Variants in LRRC28 observed in about 807,000 individuals in gnomAD.
The protein encoded by LRRC28 is leucine rich repeat containing 28, also known as leucine-rich repeat-containing protein 28.
In LRRC28, 39 loss-of-function variants were observed where a neutral mutation model predicts 45.7. The ratio of observed to expected loss-of-function variants is 0.85; its 90% CI spans 0.66 to 1.12. The LOEUF (loss-of-function observed/expected upper bound fraction) is 1.12. LRRC28 is among the 50% of genes most tolerant of loss of function. LRRC28 has a pLI of 0.00. For synonymous variants in LRRC28, 206 were observed against 178.8 expected (o/e 1.15, Z -1.22); for missense variants, 435 against 438.5 (o/e 0.99, Z 0.07).
At chr15:99,275,224 A>G (rs1254691380) in intron 2 of LRRC28, among the ~76,000 whole-genome samples, 1 of 152,236 alleles carries the variant, frequency 6.6e-6, no homozygotes, top group Non-Finnish European at 1.5e-5. Context: ...AGCAGAGAGA[A>G]GCCTGCTTTC....
chr15:99,336,521 T>C (rs1217886761), intron 6 of LRRC28, among the ~76,000 whole-genome samples: 1 of 152,238 alleles, frequency 6.6e-6, no homozygotes, highest in Admixed American at 6.5e-5. Context: ...AGTTTGGCTC[T>C]GCCATTTTGG....
At chr15:99,329,599 C>T (rs1384540671) in intron 5 of LRRC28, among the ~76,000 whole-genome samples, 1 of 152,158 alleles carries the variant, frequency 6.6e-6, no homozygotes, top group Non-Finnish European at 1.5e-5. Flanking sequence ...TGGGTATAAG[C>T]ATTGGGCATG....
At chr15:99,301,746 G>T (rs1954977329) in intron 5 of LRRC28, among the ~76,000 whole-genome samples, 1 of 152,122 alleles carries the variant, frequency 6.6e-6, no homozygotes, top group Non-Finnish European at 1.5e-5. Context: ...TGACATAATA[G>T]GGTGTGAGAG....
chr15:99,284,791 C>T (rs1398044805), intron 3 of LRRC28: 4 of 536,350 alleles, frequency 7.5e-6, no homozygotes, highest in Non-Finnish European at 1.5e-5. Context: ...TTGCAATTGT[C>T]AAAATCATTG....
At chr15:99,293,293 G>T (rs1334868691) in intron 5 of LRRC28, among the ~76,000 whole-genome samples, 1 of 151,942 alleles carries the variant, frequency 6.6e-6, no homozygotes, top group African/African-American at 2.4e-5. Context: ...TTGCAAGTCA[G>T]TTGTCTGTAA....
At chr15:99,307,993 G>A (rs1044896351) in intron 5 of LRRC28, among the ~76,000 whole-genome samples, 7 of 152,136 alleles carry the variant, frequency 4.6e-5, no homozygotes, top group South Asian at 4.1e-4. Flanking sequence ...TAAACGAGGC[G>A]CCGACAACAA....
intron 5 of LRRC28, among the ~76,000 whole-genome samples, chr15:99,313,881 C>G (rs1332163240): frequency 1.3e-5 from 2 of 152,250 alleles, no homozygotes; most frequent in East Asian, 3.9e-4. Context: ...TTTTGATAAA[C>G]TGCTATTCTT....
intron 6 of LRRC28, chr15:99,338,203 T>A (rs1399674010): frequency 2.0e-5 from 3 of 152,212 alleles, no homozygotes; most frequent in African/African-American, 7.2e-5. Context: ...TCTGGGGGTA[T>A]TTTTTGCCAT....
At position 99,260,597 on chromosome 15, in the gene LRRC28, G is replaced by T. The variant is rs181892199; in HGVS notation, c.168+4472G>T. 7.9e-4 allele frequency among the ~76,000 whole-genome samples: 120 copies of T among 152,328 alleles called. 1 individual carries two copies. The highest frequency in any genetic ancestry group is 7.9e-4 in the Non-Finnish European group (54 of 68,034). On this transcript the variant is annotated intron_variant, in intron 2 of 9. Coordinates refer to ENST00000301981, the MANE Select transcript of LRRC28 (RefSeq NM_144598.5). Reference sequence around the variant, plus strand: ...AGCTGTCATCCAAAGCCCACCCATTGCCTGATTATATCAGATATATGACAG... The same window carrying T: ...AGCTGTCATCCAAAGCCCACCCATTTCCTGATTATATCAGATATATGACAG...
chr15:99,278,453 G>C (rs1173568236), intron 3 of LRRC28, among the ~76,000 whole-genome samples: 2 of 152,076 alleles, frequency 1.3e-5, no homozygotes, highest in African/African-American at 4.8e-5. Flanking sequence ...TCACCATCTT[G>C]GCCAGGCTGG....
At chr15:99,258,123 A>G (rs2152123087) in intron 2 of LRRC28, 8 of 1,605,330 alleles carry the variant, frequency 5.0e-6, no homozygotes, top group African/African-American at 1.3e-5. Flanking sequence ...ACCATAGCCA[A>G]ATCTTGAACA....
At position 99,379,019 on chromosome 15, in the gene LRRC28, G is replaced by A. The variant is rs1329615396; in HGVS notation, c.1032-7011G>A. On this transcript the variant is annotated intron_variant, in intron 9 of 9. Transcript: ENST00000301981. ...AAATTCTCTTTTTTTGTTGTGTCTC[G>A]CCAGGCTTTGGTATCAGGATGATGC... is the stretch of plus-strand genomic sequence containing the variant. Among the ~76,000 whole-genome samples, 21 of 109,688 alleles carry A rather than the reference G, an allele frequency of 1.9e-4. No homozygotes were observed. The East Asian group carries it at 3.0e-3, about 16-fold the overall frequency. The allele number at this position is 109,688 out of a possible 152,430, so 72.0% of individuals were successfully genotyped here. A position where few individuals can be genotyped will look rare whatever the true frequency, so the allele number is the denominator to read the frequency against.
At chr15:99,293,086 T>G (rs2082168014) in intron 5 of LRRC28, among the ~76,000 whole-genome samples, 2 of 152,230 alleles carry the variant, frequency 1.3e-5, no homozygotes, top group African/African-American at 4.8e-5. Context: ...CCATTGGCTT[T>G]TCTCTAGGGT....
chr15:99,337,393 A>G (rs1956361158), intron 6 of LRRC28, among the ~76,000 whole-genome samples: 2 of 152,360 alleles, frequency 1.3e-5, no homozygotes, highest in South Asian at 4.1e-4. Flanking sequence ...TGTTGGGTAG[A>G]GAACTGAGTG....
intron 9 of LRRC28, among the ~76,000 whole-genome samples, chr15:99,380,032 T>G (rs182817533): frequency 5.9e-5 from 9 of 152,288 alleles, no homozygotes; most frequent in African/African-American, 2.2e-4. Context: ...GGGTGGAGAG[T>G]TCTGTAGATG....
intron 2 of LRRC28, chr15:99,259,199 G>T: frequency 5.4e-6 from 6 of 1,106,816 alleles, no homozygotes; most frequent in Non-Finnish European, 8.4e-6. Context: ...CCAGGATGTT[G>T]AAAGAATGAA....
chr15:99,295,477 T>G (rs2082238488), intron 5 of LRRC28, among the ~76,000 whole-genome samples: 1 of 152,190 alleles, frequency 6.6e-6, no homozygotes, highest in Admixed American at 6.5e-5. Context: ...TGATTAAACC[T>G]CGCTAAACAT....
At chr15:99,279,704 G>T (rs758418157) in intron 3 of LRRC28, among the ~76,000 whole-genome samples, 2 of 152,098 alleles carry the variant, frequency 1.3e-5, no homozygotes, top group Non-Finnish European at 2.9e-5. Flanking sequence ...TCTTACTGAC[G>T]CTCAGTCATT....
chr15:99,278,463 G>C (rs1405230782), intron 3 of LRRC28, among the ~76,000 whole-genome samples: 1 of 152,104 alleles, frequency 6.6e-6, no homozygotes, highest in African/African-American at 2.4e-5. Flanking sequence ...GGCCAGGCTG[G>C]CTTCAAACTC....
Sources: gnomAD v4.1 joint callset for allele counts (sites outside exome capture counted in the v4.1 genomes callset) on GRCh38, gnomAD v4.1.1 for gene constraint, MANE v1.5 for transcripts, NCBI Gene and HGNC (gene_info 2026-07-23, HGNC 2026-07-21) for gene names.